The following NDST4 variants were observed in gnomAD, a reference collection of about 807,000 sequenced individuals.
NDST4 encodes the protein N-deacetylase and N-sulfotransferase 4.
NDST4 carries 63 observed loss-of-function variants against 100.8 expected under a neutral mutation model. The observed-to-expected ratio is 0.62, with a 90% CI of 0.51 to 0.77. NDST4 has a LOEUF of 0.77. Among genes scored for constraint, NDST4 ranks in the 30% least tolerant of loss-of-function variants. NDST4 has a pLI of 0.00. For synonymous variants in NDST4, 377 were observed against 361.8 expected (o/e 1.04, Z -0.48); for missense variants, 943 against 1,018.4 (o/e 0.93, Z 1.01).
At chr4:114,990,459 A>G (rs961305363) in intron 2 of NDST4, among the ~76,000 whole-genome samples, 10 of 152,224 alleles carry the variant, frequency 6.6e-5, no homozygotes, top group African/African-American at 2.4e-4. Flanking sequence ...CCCTTGACCA[A>G]AAGATATTTT....
At chr4:114,967,832 C>G (rs1472994764) in intron 4 of NDST4, among the ~76,000 whole-genome samples, 2 of 151,992 alleles carry the variant, frequency 1.3e-5, no homozygotes, top group Non-Finnish European at 2.9e-5. Context: ...ATTGCATGCT[C>G]CTCTGTATTT....
intron 6 of NDST4, among the ~76,000 whole-genome samples, chr4:114,893,523 G>A (rs979687761): frequency 6.6e-6 from 1 of 151,514 alleles, no homozygotes; most frequent in Non-Finnish European, 1.5e-5. Flanking sequence ...TCATATGTTT[G>A]TTGGCTGCAT....
Position 114,986,821 on chromosome 4 carries a change from TA to T in NDST4, c.979-9548del, listed in dbSNP as rs1560845407. On this transcript the variant is annotated intron_variant, in intron 2 of 13. Coordinates refer to ENST00000264363, the MANE Select transcript of NDST4 (RefSeq NM_022569.3). ...ATATATATATATATATATATATATA[TA>T]TATATATATATTTTAATATACTATT... Among the ~76,000 whole-genome samples, 38 of 126,714 alleles carry T rather than the reference TA, an allele frequency of 3.0e-4. 1 individual carries two copies. Among genetic ancestry groups the T allele is most frequent in the African/African-American group, 4.8e-4 (16 of 33,526 alleles). The allele number at this position is 126,714 out of a possible 152,430, so 83.1% of individuals were successfully genotyped here.
intron 2 of NDST4, among the ~76,000 whole-genome samples, chr4:115,047,766 A>G (rs1296548696): frequency 3.9e-5 from 6 of 152,222 alleles, no homozygotes; most frequent in Non-Finnish European, 8.8e-5. Flanking sequence ...TTAGATCTCC[A>G]TTGTTTTGAT....
Position 114,973,142 on chromosome 4 carries a change from C to T in NDST4, c.1067-2558G>A, listed in dbSNP as rs1210676391. ...GCAGAATCTCAAATGATTTCAAATC[C>T]AACTAGATGAAAGTATTACATTTTG... On this transcript the variant is annotated intron_variant, in intron 3 of 13. Transcript: ENST00000264363. Among the ~76,000 whole-genome samples the T allele has an allele frequency of 3.3e-4, 50 of 151,948 alleles. 1 individual carries two copies. The highest frequency in any genetic ancestry group is 3.3e-3 in the Admixed American group (50 of 15,246).
At chr4:115,084,669 G>T (rs762139151) in intron 1 of NDST4, among the ~76,000 whole-genome samples, 15 of 152,182 alleles carry the variant, frequency 9.9e-5, no homozygotes, top group Non-Finnish European at 1.5e-4. Flanking sequence ...GTTTCAGAGG[G>T]TGCAAGCCCC....
intron 6 of NDST4, among the ~76,000 whole-genome samples, chr4:114,909,589 A>G (rs1037833096): frequency 7.5e-5 from 11 of 147,538 alleles, no homozygotes; most frequent in East Asian, 2.0e-4. Flanking sequence ...GAACCCGGGA[A>G]GCGGAGCTTG....
chr4:114,871,137 A>G (rs1724140974), intron 6 of NDST4, among the ~76,000 whole-genome samples, 187 bp from the exon 7 acceptor site: 1 of 152,110 alleles, frequency 6.6e-6, no homozygotes, highest in Admixed American at 6.6e-5. Context: ...TTAAAATTGA[A>G]ATTGAAATTG....
intron 2 of NDST4, among the ~76,000 whole-genome samples, chr4:115,068,963 C>T (rs1172764541): frequency 2.0e-5 from 3 of 151,828 alleles, no homozygotes; most frequent in Admixed American, 2.0e-4. Context: ...TTCCTTGAGG[C>T]AAAACTAGAT....
chr4:115,003,274 T>A (rs954488351), intron 2 of NDST4, among the ~76,000 whole-genome samples: 1 of 152,132 alleles, frequency 6.6e-6, no homozygotes, highest in Non-Finnish European at 1.5e-5. Flanking sequence ...TTCTAGATGT[T>A]TAAAATCAAA....
chr4:115,059,251 G>A lies in NDST4; in HGVS notation c.978+16808C>T, dbSNP rs114372345. Among the ~76,000 whole-genome samples the A allele has an allele frequency of 7.3e-3, 1,104 of 152,118 alleles. 6 individuals carry two copies. The highest frequency in any genetic ancestry group is 0.013 in the African/African-American group (540 of 41,522). On this transcript the variant is annotated intron_variant, in intron 2 of 13. Coordinates refer to ENST00000264363, the MANE Select transcript of NDST4 (RefSeq NM_022569.3). ...AACAGATTAGAAATGGATTGGAAGG[G>A]ACATTAAGTTAGGTATGGAATGAAC...
intron 7 of NDST4, among the ~76,000 whole-genome samples, chr4:114,862,557 T>A (rs551477792): frequency 1.3e-5 from 2 of 152,300 alleles, no homozygotes; most frequent in South Asian, 2.1e-4. Flanking sequence ...CTGTTGAATG[T>A]CAAAGTCTTA....
At chr4:114,979,411 A>G (rs1303190465) in intron 2 of NDST4, among the ~76,000 whole-genome samples, 1 of 149,070 alleles carries the variant, frequency 6.7e-6, no homozygotes, top group Admixed American at 6.6e-5. Context: ...TTTTGCATTT[A>G]GTAACATGAG....
chr4:114,836,450 C>T (rs1723306902), intron 11 of NDST4, among the ~76,000 whole-genome samples: 1 of 152,190 alleles, frequency 6.6e-6, no homozygotes, highest in Admixed American at 6.5e-5. Context: ...TTGGCCCCCA[C>T]TCTCTTCTGG....
intron 1 of NDST4, among the ~76,000 whole-genome samples, chr4:115,093,238 G>T (rs1729553346): frequency 6.6e-6 from 1 of 152,086 alleles, no homozygotes; most frequent in South Asian, 2.1e-4. Flanking sequence ...CATTTTGGGA[G>T]GCCAAGGTGG....
At chr4:114,955,414 G>A (rs1202765640) in intron 4 of NDST4, among the ~76,000 whole-genome samples, 1 of 152,190 alleles carries the variant, frequency 6.6e-6, no homozygotes, top group East Asian at 1.9e-4. Flanking sequence ...GAAACAAGGG[G>A]CCAGTTGCTA....
At chr4:115,077,938 G>C (rs1440565983) in intron 1 of NDST4, among the ~76,000 whole-genome samples, 3 of 152,134 alleles carry the variant, frequency 2.0e-5, no homozygotes, top group Non-Finnish European at 2.9e-5. Flanking sequence ...TAGGTGAAAA[G>C]AACAATGACA....
At chr4:115,061,527 A>G (rs953265297) in intron 2 of NDST4, among the ~76,000 whole-genome samples, 4 of 152,110 alleles carry the variant, frequency 2.6e-5, no homozygotes, top group Admixed American at 6.6e-5. Context: ...ACAGGAACAG[A>G]AAACCGAACA....
At chr4:114,978,859 A>G (rs1726702327) in intron 2 of NDST4, among the ~76,000 whole-genome samples, 1 of 152,040 alleles carries the variant, frequency 6.6e-6, no homozygotes, top group Admixed American at 6.6e-5. Flanking sequence ...TTCTGCATTT[A>G]TTTATCTGTG....
Sources: allele counts gnomAD v4.1 joint callset (sites outside exome capture counted in the v4.1 genomes callset), GRCh38; gene constraint gnomAD v4.1.1; transcripts MANE v1.5; gene names NCBI Gene and HGNC (gene_info 2026-07-23, HGNC 2026-07-21).